NCAN: variants seen among roughly 807,000 people sequenced by gnomAD.
NCAN encodes neurocan.
NCAN carries 47 observed loss-of-function variants against 121.8 expected under a neutral mutation model. That is an observed-to-expected ratio of 0.39 (90% CI 0.31 to 0.49). NCAN has a LOEUF of 0.49. NCAN is among the 20% of genes least tolerant of loss of function. The probability of loss-of-function intolerance (pLI) is 0.92; values close to 1 mark genes in which losing one functional copy is unlikely to be tolerated. For missense variants in NCAN, 1,517 were observed against 1,773.4 expected (o/e 0.86, Z 2.60); for synonymous variants, 633 against 702.0 (o/e 0.90, Z 1.55).
rs750677435 is a variant in NCAN, at chr19:19,228,387, C to T, written c.2767C>T (p.Leu923=). Residue 923 remains leucine, a synonymous_variant, in exon 8 of 15, where the codon CTA becomes TTA. Transcript: ENST00000252575. ...ASVPPHQSSP[L]GKPAVPPGTP... ...AGTGCCTCCGCATCAGAGCAGTCCC[C>T]TAGGGAAACCGGCTGTTCCTCCTGG... 6.2e-7 allele frequency: 1 copy of T among 1,613,754 alleles called. No homozygotes were observed. The highest frequency in any genetic ancestry group is 8.5e-7 in the Non-Finnish European group (1 of 1,179,986).
chr19:19,212,969 T>C lies in NCAN; in HGVS notation c.-8+905T>C, dbSNP rs1219812155. ...ACACATGTGGAAGCGCTGGCTTGGT[T>C]TGGGGGCACAGGGGCTGGGAAGTAA... On this transcript the variant is annotated intron_variant, in intron 1 of 14. Coordinates refer to ENST00000252575, the MANE Select transcript of NCAN (RefSeq NM_004386.3). The surrounding 1 kb of genome is among the most constrained non-coding windows in gnomAD (Gnocchi z 4.5). Among the ~76,000 whole-genome samples the C allele has an allele frequency of 1.3e-5, 2 of 152,128 alleles. No individual in the cohort carries two copies. The highest frequency in any genetic ancestry group is 2.9e-5 in the Non-Finnish European group (2 of 68,006).
chr19:19,219,142 G>A lies in NCAN; in HGVS notation c.301G>A (p.Val101Met), dbSNP rs760154386. The change falls in exon 3 of 15, where the codon GTG becomes ATG. Residue 101 changes from valine to methionine, a missense_variant. Coordinates refer to ENST00000252575, the MANE Select transcript of NCAN (RefSeq NM_004386.3). ...LPILVAKDNVVRVAKSWQGRV... is the reference protein window; with the variant it reads ...LPILVAKDNVMRVAKSWQGRV... The stretch of plus-strand genomic sequence containing the variant: ...CATCCTGGTGGCCAAGGACAATGTC[G>A]TGAGGGTGGCCAAAAGCTGGCAGGG... 1.2e-5 allele frequency: 19 copies of A among 1,613,766 alleles called. No homozygotes were observed. The highest frequency in any genetic ancestry group is 2.7e-5 in the African/African-American group (2 of 74,952).
At chr19:19,245,876 G>C (rs1359026947) in intron 13 of NCAN, among the ~76,000 whole-genome samples, 2 of 152,046 alleles carry the variant, frequency 1.3e-5, no homozygotes, top group Non-Finnish European at 1.5e-5. Context: ...GGGAGAAGGG[G>C]GAGTCACTAG....
intron 13 of NCAN, among the ~76,000 whole-genome samples, 161 bp from the exon 14 acceptor site, chr19:19,248,539 C>A (rs968085159): frequency 6.6e-6 from 1 of 152,130 alleles, no homozygotes; most frequent in Non-Finnish European, 1.5e-5. Flanking sequence ...GCAGGAGAAT[C>A]GCTTGAACCA....
At chr19:19,223,159 A>AT (rs2060823035) in intron 3 of NCAN, among the ~76,000 whole-genome samples, 1 of 151,834 alleles carries the variant, frequency 6.6e-6, no homozygotes. Flanking sequence ...AAATAAATAA[A>AT]AAAGAACCAC....
Position 19,227,451 on chromosome 19 carries a change from G to C in NCAN, c.1831G>C (p.Val611Leu), listed in dbSNP as rs2060841780. The C allele has an allele frequency of 1.2e-6, 2 of 1,613,654 alleles. No homozygotes were observed. Among genetic ancestry groups the C allele is most frequent in the Non-Finnish European group, 1.7e-6 (2 of 1,179,898 alleles). The change falls in exon 8 of 15, where the codon GTC becomes CTC. Residue 611 changes from valine to leucine, a missense_variant. Coordinates refer to ENST00000252575, the MANE Select transcript of NCAN (RefSeq NM_004386.3). The surrounding 1 kb of genome is among the most constrained non-coding windows in gnomAD (Gnocchi z 4.2). The part of the protein sequence containing the change: ...DLFWSPLEAT[V>L]SAPSPAPWEA... The stretch of plus-strand genomic sequence containing the variant: ...GTTTTGGTCCCCCTTGGAGGCCACT[G>C]TCTCAGCTCCCAGCCCTGCCCCCTG...
Position 19,240,683 on chromosome 19 carries a change from C to G in NCAN, c.3490C>G (p.Leu1164Val). 6.2e-7 allele frequency: 1 copy of G among 1,614,058 alleles called. No individual in the cohort carries two copies. Among genetic ancestry groups the G allele is most frequent in the Non-Finnish European group, 8.5e-7 (1 of 1,180,004 alleles). The part of the protein sequence containing the change: ...RDFQWTDNTG[L>V]QFENWRENQP... ...TTTCCAGTGGACGGACAACACCGGG[C>G]TGGTGAGTGGCAGGGGCTGCGGGCC... is the stretch of plus-strand genomic sequence containing the variant. Residue 1164 changes from leucine (L) to valine (V), a missense_variant and splice_region_variant, in exon 12 of 15, where the codon CTG becomes GTG. Transcript: ENST00000252575.
chr19:19,229,622 C>T (rs903912933), intron 8 of NCAN, among the ~76,000 whole-genome samples: 1 of 152,182 alleles, frequency 6.6e-6, no homozygotes, highest in African/African-American at 2.4e-5. Flanking sequence ...CCCAAGTCAG[C>T]CTGAGTCTTA....
At chr19:19,220,026 CAAAAG>C (rs909103903) in intron 3 of NCAN, among the ~76,000 whole-genome samples, 2 of 149,078 alleles carry the variant, frequency 1.3e-5, no homozygotes, top group African/African-American at 4.9e-5. Flanking sequence ...GACTCTGTCT[CAAAAG>C]AAAAAAAACG....
At chr19:19,219,394 C>T in intron 3 of NCAN, 78 bp downstream of exon 3, 1 of 1,373,160 alleles carries the variant, frequency 7.3e-7, no homozygotes, top group Admixed American at 2.7e-5. Flanking sequence ...TGAATGTCAC[C>T]TTAGAAATCA....
chr19:19,235,713 AT>A (rs1277144015), intron 10 of NCAN, among the ~76,000 whole-genome samples: 2 of 151,764 alleles, frequency 1.3e-5, no homozygotes, highest in African/African-American at 4.8e-5. Flanking sequence ...AGTAGCTGGG[AT>A]TACAGGCACA....
chr19:19,217,152 A>G, intron 2 of NCAN, 126 bp downstream of exon 2: 1 of 647,280 alleles, frequency 1.5e-6, no homozygotes, highest in Non-Finnish European at 2.3e-6. Flanking sequence ...ATGAGAATAG[A>G]TTTTAAAAGG....
In NCAN at chr19:19,245,296, G is replaced by T; in HGVS notation, c.3493-17G>T. 1 of 1,613,348 alleles carries T rather than the reference G, an allele frequency of 6.2e-7. No individual in the cohort carries two copies. Among genetic ancestry groups the T allele is most frequent in the Non-Finnish European group, 8.5e-7 (1 of 1,179,558 alleles). ...ACAGAGGTCCCCTGAACAACTCCCT[G>T]CCCCCTATTCCTGCAGCAATTTGAG... On this transcript the variant is annotated splice_polypyrimidine_tract_variant and intron_variant, in intron 12 of 14. Transcript: ENST00000252575.
Position 19,245,298 on chromosome 19 carries a change from C to T in NCAN, c.3493-15C>T, listed in dbSNP as rs1025633276. On this transcript the variant is annotated splice_polypyrimidine_tract_variant and intron_variant, in intron 12 of 14. Transcript: ENST00000252575. ...AGAGGTCCCCTGAACAACTCCCTGCCCCCTATTCCTGCAGCAATTTGAGAA... is the reference window on the plus strand; with the variant it reads ...AGAGGTCCCCTGAACAACTCCCTGCTCCCTATTCCTGCAGCAATTTGAGAA... The T allele has an allele frequency of 1.3e-5, 21 of 1,613,392 alleles. No homozygotes were observed. The highest frequency in any genetic ancestry group is 1.7e-5 in the Non-Finnish European group (20 of 1,179,648).
Position 19,225,645 on chromosome 19 carries a change from C to T in NCAN, c.1072+375C>T, listed in dbSNP as rs887439042. On this transcript the variant is annotated intron_variant, in intron 6 of 14. Coordinates refer to ENST00000252575, the MANE Select transcript of NCAN (RefSeq NM_004386.3). The surrounding 1 kb of genome is among the most constrained non-coding windows in gnomAD (Gnocchi z 4.0). ...CACCCCCGTGGAAGAGATAATGCCT[C>T]AATTGGCCACCTCTGGGCACCACAC... 1.3e-5 allele frequency among the ~76,000 whole-genome samples: 2 copies of T among 152,212 alleles called. No individual in the cohort carries two copies. The highest frequency in any genetic ancestry group is 6.5e-5 in the Admixed American group (1 of 15,288).
At chr19:19,231,991 T>A (rs2060861752) in intron 8 of NCAN, among the ~76,000 whole-genome samples, 1 of 147,880 alleles carries the variant, frequency 6.8e-6, no homozygotes, top group African/African-American at 2.6e-5. Flanking sequence ...AAAAAAAAAA[T>A]TAATCTTGGG....
rs771429364 is a variant in NCAN at position 19,226,499 on chromosome 19, G to A, written c.1086G>A (p.Thr362=). ...TTTCTCCCACAGCTCATCACCCCAC[G>A]TCACAACATGGAGACCTAGAGACCC... ...DAYCFRAHHP[T]SQHGDLETPS... Residue 362 remains threonine, a synonymous_variant, in exon 7 of 15, where the codon ACG becomes ACA. Transcript: ENST00000252575. The A allele has an allele frequency of 1.8e-5, 29 of 1,587,474 alleles. No individual in the cohort carries two copies. The highest frequency in any genetic ancestry group is 1.1e-4 in the East Asian group (5 of 44,324).
rs1010027489 is a variant in NCAN, at chr19:19,217,135, G to C, written c.73+109G>C. On this transcript the variant is annotated intron_variant, in intron 2 of 14. Transcript: ENST00000252575. ...TGCTGGTCTCCTGGCATGGGCTAGAGAATAAAATGAGAATAGATTTTAAAA... is the reference window on the plus strand; with the variant it reads ...TGCTGGTCTCCTGGCATGGGCTAGACAATAAAATGAGAATAGATTTTAAAA... The C allele has an allele frequency of 5.4e-6, 4 of 745,058 alleles. No individual in the cohort carries two copies. In the African/African-American group the frequency reaches 7.2e-5, roughly 13 times the overall value. 46.2% of individuals were successfully genotyped at this position (745,058 alleles called of 1,614,324 possible).
chr19:19,228,398 G>C lies in NCAN; in HGVS notation c.2778G>C (p.Pro926=). 1.9e-6 allele frequency: 3 copies of C among 1,613,684 alleles called. No homozygotes were observed. The highest frequency in any genetic ancestry group is 1.7e-6 in the Non-Finnish European group (2 of 1,179,998). The stretch of plus-strand genomic sequence containing the variant: ...ATCAGAGCAGTCCCCTAGGGAAACC[G>C]GCTGTTCCTCCTGGGACACCGACTG... ...PPHQSSPLGK[P]AVPPGTPTAA... The change falls in exon 8 of 15, where the codon CCG becomes CCC. Residue 926 remains proline (P), a synonymous_variant. Coordinates refer to ENST00000252575, the MANE Select transcript of NCAN (RefSeq NM_004386.3).
Sources: allele counts gnomAD v4.1 joint callset (sites outside exome capture counted in the v4.1 genomes callset), GRCh38; gene constraint gnomAD v4.1.1; non-coding constraint Gnocchi (gnomAD v3.1); transcripts MANE v1.5; gene names NCBI Gene and HGNC (gene_info 2026-07-23, HGNC 2026-07-21).